The following CPEB2 variants were observed in gnomAD, a reference collection of about 807,000 sequenced individuals.
CPEB2 encodes the protein cytoplasmic polyadenylation element-binding protein 2.
A neutral mutation model predicts 93.6 loss-of-function variants in CPEB2; 56 were observed. The observed-to-expected ratio is 0.60, with a 90% CI of 0.48 to 0.75. The LOEUF is 0.75. Ranked by LOEUF, CPEB2 falls within the 30% of genes least tolerant of loss-of-function variation. The pLI, the probability that CPEB2 is intolerant of heterozygous loss-of-function variation, is 0.00. For synonymous variants in CPEB2, 764 were observed against 586.3 expected (o/e 1.30, Z -4.38); for missense variants, 1,579 against 1,395.1 (o/e 1.13, Z -2.10).
In CPEB2 at chr4:15,054,113, T is replaced by C; in HGVS notation, c.2372-15T>C. 1 of 1,565,394 alleles carries C rather than the reference T, an allele frequency of 6.4e-7. No individual in the cohort carries two copies. The highest frequency in any genetic ancestry group is 1.1e-5 in the South Asian group (1 of 88,704). The stretch of plus-strand genomic sequence containing the variant: ...TGAAACTAATTTCTAATGTGTATTA[T>C]TGTACTTTCTTAAGATGAAATAACT... On this transcript the variant is annotated splice_polypyrimidine_tract_variant and intron_variant, in intron 7 of 11. Transcript: ENST00000538197.
intron 5 of CPEB2, among the ~76,000 whole-genome samples, chr4:15,040,047 C>G (rs1727016808): frequency 6.6e-6 from 1 of 152,036 alleles, no homozygotes; most frequent in African/African-American, 2.4e-5. Flanking sequence ...ATTTATTGGA[C>G]TATATATGCC....
At chr4:15,041,616 T>C (rs1384146926) in intron 6 of CPEB2, among the ~76,000 whole-genome samples, 4 of 152,132 alleles carry the variant, frequency 2.6e-5, no homozygotes, top group Admixed American at 1.3e-4. Flanking sequence ...TTGGCCCGTC[T>C]GGTCTTGAAT....
At position 15,067,783 on chromosome 4, in the gene CPEB2, T is replaced by C. The variant is rs529234202; in HGVS notation, c.*1403T>C. ...GCTTATGTGTTTAACCTATAAATAT[T>C]GGGGTCTTCTGTCTAAACTGGGGTC... On this transcript the variant is annotated 3_prime_UTR_variant, in exon 12 of 12. Coordinates refer to ENST00000538197, the MANE Select transcript of CPEB2 (RefSeq NM_001177382.2). The C allele has an allele frequency of 9.2e-5, 14 of 152,528 alleles. No homozygotes were observed. In the South Asian group the frequency reaches 2.9e-3, roughly 32 times the overall value. The allele number at this position is 152,528 out of a possible 1,614,324, so 9.4% of individuals were successfully genotyped here.
At chr4:15,008,953 C>T (rs922936099) in intron 3 of CPEB2, among the ~76,000 whole-genome samples, 2 of 152,196 alleles carry the variant, frequency 1.3e-5, no homozygotes, top group Non-Finnish European at 2.9e-5. Flanking sequence ...TATACCCTGA[C>T]TTATTCCAAA....
intron 5 of CPEB2, among the ~76,000 whole-genome samples, chr4:15,036,414 G>C (rs1227733683): frequency 2.6e-5 from 4 of 152,104 alleles, no homozygotes; most frequent in Non-Finnish European, 4.4e-5. Flanking sequence ...ACATTATATA[G>C]AATTGTGTAG....
chr4:15,066,467 A>T lies in CPEB2; in HGVS notation c.*87A>T. 1.1e-6 allele frequency: 1 copy of T among 948,930 alleles called. No homozygotes were observed. The highest frequency in any genetic ancestry group is 1.6e-6 in the Non-Finnish European group (1 of 611,514). 58.8% of individuals were successfully genotyped at this position (948,930 alleles called of 1,614,324 possible). A position where few individuals can be genotyped will look rare whatever the true frequency, so the allele number is the denominator to read the frequency against. On this transcript the variant is annotated 3_prime_UTR_variant, in exon 12 of 12. Transcript: ENST00000538197. ...GAAGATACTGACATGCAGAAGAAAT[A>T]AGTGCATTCTTCTGCTTTTCACCCC...
Position 15,003,056 on chromosome 4 carries a change from T to C in CPEB2, c.383T>C (p.Ile128Thr), listed in dbSNP as rs1722185038. 2 of 1,519,192 alleles carry C rather than the reference T, an allele frequency of 1.3e-6. No homozygotes were observed. Among genetic ancestry groups the C allele is most frequent in the African/African-American group, 1.4e-5 (1 of 71,124 alleles). 94.1% of individuals were successfully genotyped at this position (1,519,192 alleles called of 1,614,324 possible). Residue 128 changes from isoleucine (I) to threonine (T), a missense_variant, in exon 1 of 12, where the codon ATC becomes ACC. By Grantham distance (89) the Ile-to-Thr change is moderately conservative. Transcript: ENST00000538197. ...GACCACCACCCCGGCGGCGGCACGA[T>C]CGCGGGTGTGACCCACCTCCTCCCC... ...LPDHHPGGGT[I>T]AGVTHLLPSQ... is the part of the protein sequence containing the mutation.
Position 15,002,496 on chromosome 4 carries a change from G to A in CPEB2, c.-178G>A, listed in dbSNP as rs1429142072. On this transcript the variant is annotated 5_prime_UTR_variant, in exon 1 of 12. Coordinates refer to ENST00000538197, the MANE Select transcript of CPEB2 (RefSeq NM_001177382.2). Reference sequence around the variant, plus strand: ...TACGGCGACTGCGACGGCGGCGGCGGCGGCGATCGCCGCGAGGGGTGGTGG... The same window carrying A: ...TACGGCGACTGCGACGGCGGCGGCGACGGCGATCGCCGCGAGGGGTGGTGG... Among the ~76,000 whole-genome samples, 1 of 151,598 alleles carries A rather than the reference G, an allele frequency of 6.6e-6. No individual in the cohort carries two copies. The highest frequency in any genetic ancestry group is 1.5e-5 in the Non-Finnish European group (1 of 67,842).
In CPEB2 at chr4:15,003,837, G is replaced by C; in HGVS notation, c.1164G>C (p.Ala388=). Residue 388 remains alanine, a synonymous_variant, in exon 1 of 12, where the codon GCG becomes GCC. Coordinates refer to ENST00000538197, the MANE Select transcript of CPEB2 (RefSeq NM_001177382.2). ...GCACCCCCTGGTCGGTGCAGACCGC[G>C]TCGCCGCCACCCCAGCCCCAGCAGC... is the stretch of plus-strand genomic sequence containing the variant. ...GFGTPWSVQT[A]SPPPQPQQPP... 2 of 917,254 alleles carry C rather than the reference G, an allele frequency of 2.2e-6. No homozygotes were observed. Among genetic ancestry groups the C allele is most frequent in the Non-Finnish European group, 2.9e-6 (2 of 699,584 alleles). 56.8% of individuals were successfully genotyped at this position (917,254 alleles called of 1,614,324 possible).
chr4:15,035,366 G>A (rs1478840609), intron 5 of CPEB2, among the ~76,000 whole-genome samples: 1 of 152,066 alleles, frequency 6.6e-6, no homozygotes, highest in African/African-American at 2.4e-5. Flanking sequence ...GTTTGTTTAT[G>A]TCTAAAATAG....
Position 15,003,511 on chromosome 4 carries a change from G to A in CPEB2, c.838G>A (p.Gly280Ser), listed in dbSNP as rs1485183207. 7.4e-5 allele frequency: 105 copies of A among 1,422,436 alleles called. No individual in the cohort carries two copies. The highest frequency in any genetic ancestry group is 9.4e-5 in the Non-Finnish European group (103 of 1,091,502). 88.1% of individuals were successfully genotyped at this position (1,422,436 alleles called of 1,614,324 possible). A position where few individuals can be genotyped will look rare whatever the true frequency, so the allele number is the denominator to read the frequency against. Reference protein sequence around the residue: ...AAPRRRHGGAGSPRKTPAAGE... With the variant: ...AAPRRRHGGASSPRKTPAAGE... ...CCCGCGGCGCCGCCACGGAGGCGCGGGCAGCCCTCGCAAGACCCCAGCCGC... is the reference window on the plus strand; with the variant it reads ...CCCGCGGCGCCGCCACGGAGGCGCGAGCAGCCCTCGCAAGACCCCAGCCGC... The change falls in exon 1 of 12, where the codon GGC (glycine) becomes AGC (serine). Residue 280 changes from glycine (G) to serine (S), a missense_variant. Gly to Ser is a moderately conservative substitution (Grantham distance 56, BLOSUM62 0). Transcript: ENST00000538197.
intron 6 of CPEB2, among the ~76,000 whole-genome samples, chr4:15,042,119 G>T (rs1727242571): frequency 6.6e-6 from 1 of 152,162 alleles, no homozygotes; most frequent in Non-Finnish European, 1.5e-5. Context: ...TTACCAGTCT[G>T]TGATTTTTAG....
At position 15,003,196 on chromosome 4, in the gene CPEB2, A is replaced by G; in HGVS notation, c.523A>G (p.Ser175Gly). The stretch of plus-strand genomic sequence containing the variant: ...CAGTAAGCGGCAGCAGCAGCAGCTG[A>G]GCAGCCAGAAGAGGAAAGAGTTCAG... ...DFSKRQQQQL[S>G]SQKRKEFSPP... The change falls in exon 1 of 12, where the codon AGC (serine) becomes GGC (glycine). Residue 175 changes from serine to glycine, a missense_variant. Ser to Gly is a moderately conservative substitution (Grantham distance 56). Coordinates refer to ENST00000538197, the MANE Select transcript of CPEB2 (RefSeq NM_001177382.2). 5.9e-6 allele frequency: 9 copies of G among 1,533,124 alleles called. No individual in the cohort carries two copies. The highest frequency in any genetic ancestry group is 7.0e-6 in the Non-Finnish European group (8 of 1,145,734). 95.0% of individuals were successfully genotyped at this position (1,533,124 alleles called of 1,614,324 possible). A position where few individuals can be genotyped will look rare whatever the true frequency, so the allele number is the denominator to read the frequency against.
At chr4:15,038,207 A>T (rs1726823570) in intron 5 of CPEB2, among the ~76,000 whole-genome samples, 1 of 152,224 alleles carries the variant, frequency 6.6e-6, no homozygotes, top group Non-Finnish European at 1.5e-5. Context: ...AAGTGATTAT[A>T]TTCAAGCCAA....
intron 6 of CPEB2, among the ~76,000 whole-genome samples, chr4:15,047,906 G>A (rs1237356310): frequency 2.1e-5 from 3 of 146,020 alleles, no homozygotes; most frequent in Non-Finnish European, 3.0e-5. Context: ...AGTTTTCTGG[G>A]AGTTGTGGTT....
At chr4:15,063,057 A>C (rs1338513717) in intron 11 of CPEB2, among the ~76,000 whole-genome samples, 1 of 152,154 alleles carries the variant, frequency 6.6e-6, no homozygotes, top group Non-Finnish European at 1.5e-5. Flanking sequence ...AAATACATTA[A>C]GAATATGCGG....
intron 3 of CPEB2, among the ~76,000 whole-genome samples, chr4:15,009,341 AT>A (rs1361022914): frequency 5.9e-5 from 9 of 152,244 alleles, no homozygotes; most frequent in Non-Finnish European, 1.2e-4. Context: ...GTTAGCATTA[AT>A]TTTGATAATC....
intron 11 of CPEB2, among the ~76,000 whole-genome samples, chr4:15,064,191 TA>T (rs1372907087): frequency 6.6e-6 from 1 of 152,246 alleles, no homozygotes; most frequent in Non-Finnish European, 1.5e-5. Flanking sequence ...TAATTCATTA[TA>T]TTTTTTTGTA....
In CPEB2 at chr4:15,002,539, C is replaced by A; in HGVS notation, c.-135C>A. 2 of 687,456 alleles carry A rather than the reference C, an allele frequency of 2.9e-6. No homozygotes were observed. Among genetic ancestry groups the A allele is most frequent in the Non-Finnish European group, 4.4e-6 (2 of 449,754 alleles). 42.6% of individuals were successfully genotyped at this position (687,456 alleles called of 1,614,324 possible). On this transcript the variant is annotated 5_prime_UTR_variant, in exon 1 of 12. Transcript: ENST00000538197. ...GGTGGTGGGGCCGAAGTCGGTGCCC[C>A]CTGGCTCAGTCACGGTGTCCCTCTC... is the stretch of plus-strand genomic sequence containing the variant.
Sources: allele counts gnomAD v4.1 joint callset (sites outside exome capture counted in the v4.1 genomes callset), GRCh38; gene constraint gnomAD v4.1.1; transcripts MANE v1.5; gene names NCBI Gene and HGNC (gene_info 2026-07-23, HGNC 2026-07-21).